Variants in ZNF721 observed in about 807,000 individuals in gnomAD.
ZNF721 encodes zinc finger protein 721.
Under a neutral mutation model 2.4 loss-of-function variants are expected in ZNF721, and 2 were observed. That is an observed-to-expected ratio of 0.82 (90% CI 0.34 to 2.58). The LOEUF (loss-of-function observed/expected upper bound fraction) is 2.58, where lower values mean the gene tolerates loss of function less well. ZNF721 is among the 30% of genes most tolerant of loss of function. The probability of loss-of-function intolerance (pLI) is 0.11; values close to 1 mark genes in which losing one functional copy is unlikely to be tolerated. For synonymous variants in ZNF721, 398 were observed against 381.8 expected (o/e 1.04, Z -0.50); for missense variants, 1,187 against 1,085.5 (o/e 1.09, Z -1.31).
At chr4:477,573 T>C (rs1171793814) in intron 1 of ZNF721, among the ~76,000 whole-genome samples, 2 of 152,054 alleles carry the variant, frequency 1.3e-5, no homozygotes, top group Admixed American at 1.3e-4. Flanking sequence ...AGGAAGTAGT[T>C]ACAGAAGACC....
intron 2 of ZNF721, among the ~76,000 whole-genome samples, chr4:455,899 T>A (rs1306033685): frequency 6.6e-6 from 1 of 152,122 alleles, no homozygotes; most frequent in Non-Finnish European, 1.5e-5. Flanking sequence ...TATTTACATC[T>A]ACCTAAAAAG....
At chr4:493,335 CCT>C (rs1220261895) in intron 1 of ZNF721, among the ~76,000 whole-genome samples, 2 of 152,270 alleles carry the variant, frequency 1.3e-5, no homozygotes, top group South Asian at 2.1e-4. Context: ...TCAAAACAAA[CCT>C]CTCTACTCCC....
intron 1 of ZNF721, among the ~76,000 whole-genome samples, chr4:483,364 A>G (rs1553869797): frequency 6.6e-6 from 1 of 152,064 alleles, no homozygotes; most frequent in African/African-American, 2.4e-5. Context: ...CCTGGCCAAT[A>G]TGGTGAAACC....
At chr4:491,953 G>C (rs949880489) in intron 1 of ZNF721, among the ~76,000 whole-genome samples, 16 of 151,646 alleles carry the variant, frequency 1.1e-4, no homozygotes, top group Non-Finnish European at 1.9e-4. Context: ...AGGAGATCGA[G>C]ACCATCCTGG....
chr4:465,082 T>TAA (rs112910440), intron 2 of ZNF721, among the ~76,000 whole-genome samples: 24,809 of 138,038 alleles, frequency 0.18, 2,634 homozygotes, highest in Non-Finnish European at 0.24. Flanking sequence ...AAGATTCCAT[T>TAA]AAAAAAAAAA....
At position 458,605 on chromosome 4, in the gene ZNF721, G is replaced by A. The variant is rs180738379; in HGVS notation, c.34+13970C>T. Among the ~76,000 whole-genome samples the A allele has an allele frequency of 5.2e-3, 795 of 152,228 alleles. 6 individuals carry two copies. Among genetic ancestry groups the A allele is most frequent in the African/African-American group, 0.018 (751 of 41,536 alleles). ...CTCACGCCTGTAATCCCAGCACTTTGGAGGCCAAGGCGGGCATATCACCCA... is the reference window on the plus strand; with the variant it reads ...CTCACGCCTGTAATCCCAGCACTTTAGAGGCCAAGGCGGGCATATCACCCA... On this transcript the variant is annotated intron_variant, in intron 2 of 2. Transcript: ENST00000511833.
intron 2 of ZNF721, among the ~76,000 whole-genome samples, chr4:459,360 T>TA (rs1553865762): frequency 6.6e-6 from 1 of 151,876 alleles, no homozygotes; most frequent in Non-Finnish European, 1.5e-5. Context: ...ACTGGAAAAT[T>TA]AGAGTCAAGA....
At chr4:470,701 CA>C (rs1553867502) in intron 2 of ZNF721, among the ~76,000 whole-genome samples, 5 of 151,438 alleles carry the variant, frequency 3.3e-5, no homozygotes, top group Admixed American at 3.3e-4. Context: ...GCAACAAGAG[CA>C]AAACTGTGTC....
chr4:472,742 G>C (rs782301979), intron 1 of ZNF721, 41 bp from the exon 2 acceptor site: 1 of 1,606,070 alleles, frequency 6.2e-7, no homozygotes, highest in Non-Finnish European at 8.5e-7. Context: ...TTCTTAATTT[G>C]ACTACAGGTG....
At chr4:462,392 G>A (rs1247918295) in intron 2 of ZNF721, among the ~76,000 whole-genome samples, 2 of 152,084 alleles carry the variant, frequency 1.3e-5, no homozygotes, top group Non-Finnish European at 2.9e-5. Context: ...TCACAGAATT[G>A]GAGAAAACTA....
chr4:470,886 G>A (rs1715411101), intron 2 of ZNF721, among the ~76,000 whole-genome samples: 1 of 151,888 alleles, frequency 6.6e-6, no homozygotes, highest in South Asian at 2.1e-4. Context: ...AGGAATCACA[G>A]CTACTCGGGA....
intron 2 of ZNF721, among the ~76,000 whole-genome samples, chr4:456,391 A>G (rs1714849505): frequency 6.6e-6 from 1 of 151,728 alleles, no homozygotes; most frequent in Non-Finnish European, 1.5e-5. Flanking sequence ...TAATTTATAA[A>G]CCAGGTAAGG....
At chr4:485,384 G>A (rs1402926339) in intron 1 of ZNF721, among the ~76,000 whole-genome samples, 2 of 151,792 alleles carry the variant, frequency 1.3e-5, no homozygotes, top group African/African-American at 2.4e-5. Flanking sequence ...ACCACGGTCA[G>A]GCCACCTAGC....
intron 1 of ZNF721, chr4:474,114 G>A (rs1011267500): frequency 6.0e-6 from 7 of 1,159,656 alleles, no homozygotes; most frequent in East Asian, 4.2e-5. Flanking sequence ...AGGGAAGTGA[G>A]GCCCTAACCG....
chr4:485,164 C>A (rs572232802), intron 1 of ZNF721, among the ~76,000 whole-genome samples: 1 of 152,112 alleles, frequency 6.6e-6, no homozygotes, highest in African/African-American at 2.4e-5. Context: ...TGAGCTACCA[C>A]GCCCAGCGAG....
rs372444462 is a variant in ZNF721 at position 459,703 on chromosome 4, C to T, written c.34+12872G>A. Among the ~76,000 whole-genome samples the T allele has an allele frequency of 7.3e-3, 1,103 of 151,848 alleles. 12 individuals are homozygous for T. Among genetic ancestry groups the T allele is most frequent in the Middle Eastern group, 0.071 (21 of 294 alleles). On this transcript the variant is annotated intron_variant, in intron 2 of 2. Coordinates refer to ENST00000511833, the MANE Select transcript of ZNF721 (RefSeq NM_133474.4). ...AAAATTAGCCGGGCGTGGTGGCGGG[C>T]GCCTGTAGTCCCAGCTACTCAGGAG...
chr4:462,087 T>C (rs782066356), intron 2 of ZNF721, among the ~76,000 whole-genome samples: 2 of 151,974 alleles, frequency 1.3e-5, no homozygotes, highest in Non-Finnish European at 2.9e-5. Flanking sequence ...TTTGTAAAAA[T>C]CACAACATTC....
At chr4:490,815 G>A (rs746847958) in intron 1 of ZNF721, among the ~76,000 whole-genome samples, 13 of 152,174 alleles carry the variant, frequency 8.5e-5, no homozygotes, top group East Asian at 1.9e-4. Context: ...CAGGCTGGGC[G>A]CGGTGGCTCA....
chr4:467,286 G>T (rs1715284480), intron 2 of ZNF721, among the ~76,000 whole-genome samples: 1 of 151,960 alleles, frequency 6.6e-6, no homozygotes. Context: ...AAATTCTTTA[G>T]AATCAAATGA....
Sources: allele counts gnomAD v4.1 joint callset (sites outside exome capture counted in the v4.1 genomes callset), GRCh38; gene constraint gnomAD v4.1.1; transcripts MANE v1.5; gene names NCBI Gene and HGNC (gene_info 2026-07-23, HGNC 2026-07-21).